The following CFAP44 variants were observed in gnomAD, a reference collection of about 807,000 sequenced individuals.
The protein encoded by CFAP44 is cilia and flagella associated protein 44.
CFAP44 carries 134 observed loss-of-function variants against 216.2 expected under a neutral mutation model. That is an observed-to-expected ratio of 0.62 (90% CI 0.54 to 0.72). CFAP44 has a LOEUF of 0.72. Among genes scored for constraint, CFAP44 ranks in the 30% least tolerant of loss-of-function variants. The pLI is 0.00. For missense variants in CFAP44, 2,035 were observed against 2,182.1 expected, an observed-to-expected ratio of 0.93 and a Z score of 1.34; for synonymous variants, 700 against 727.6, an observed-to-expected ratio of 0.96 and a Z score of 0.61.
At chr3:113,376,328 C>T (rs952398278) in intron 17 of CFAP44, among the ~76,000 whole-genome samples, 28 of 152,202 alleles carry the variant, frequency 1.8e-4, no homozygotes, top group African/African-American at 6.3e-4. Flanking sequence ...GGAGCATTGT[C>T]AAGTTGGATA....
Position 113,357,367 on chromosome 3 carries a change from G to C in CFAP44, c.3065+1378C>G, listed in dbSNP as rs1343239861. On this transcript the variant is annotated intron_variant, in intron 22 of 34. Transcript: ENST00000393845. ...CAGCAGGCCTTAATGAAACATGACT[G>C]GTGTTCTTATAAAAAGGGAAAATTT... Among the ~76,000 whole-genome samples the C allele has an allele frequency of 5.9e-5, 9 of 152,060 alleles. No individual in the cohort carries two copies. In the South Asian group the frequency reaches 1.9e-3, roughly 32 times the overall value.
chr3:113,318,348 G>T (rs958348266), intron 28 of CFAP44, among the ~76,000 whole-genome samples: 1 of 152,114 alleles, frequency 6.6e-6, no homozygotes, highest in African/African-American at 2.4e-5. Context: ...ATCTCAGTTC[G>T]AGGAATGCTT....
chr3:113,305,633 G>A (rs1206393316), intron 30 of CFAP44, among the ~76,000 whole-genome samples: 4 of 152,132 alleles, frequency 2.6e-5, no homozygotes, highest in Non-Finnish European at 5.9e-5. Flanking sequence ...TGCAAGAGGA[G>A]AAATAATACA....
Position 113,344,659 on chromosome 3 carries a change from T to C in CFAP44, c.3119A>G (p.Asp1040Gly), listed in dbSNP as rs1950364460. Reference sequence around the variant, plus strand: ...CAGCCTGTAAGAGGATATCTTGTGGTCACTCAGTATGGCATGAACCACAAT... The same window carrying C: ...CAGCCTGTAAGAGGATATCTTGTGGCCACTCAGTATGGCATGAACCACAAT... ...DTIVVHAILSDHKISSYRLVQ... is the reference protein window; with the variant it reads ...DTIVVHAILSGHKISSYRLVQ... Residue 1040 changes from aspartate to glycine, a missense_variant, in exon 23 of 35, where the codon GAC (aspartate) becomes GGC (glycine). Coordinates refer to ENST00000393845, the MANE Select transcript of CFAP44 (RefSeq NM_001164496.2). 10 of 1,536,652 alleles carry C rather than the reference T, an allele frequency of 6.5e-6. No homozygotes were observed. Among genetic ancestry groups the C allele is most frequent in the Non-Finnish European group, 8.7e-6 (10 of 1,146,710 alleles).
chr3:113,422,029 T>C (rs1934830403), intron 4 of CFAP44, among the ~76,000 whole-genome samples: 2 of 152,114 alleles, frequency 1.3e-5, no homozygotes, highest in Admixed American at 6.6e-5. Context: ...ATCTAAGTTA[T>C]ATAAAACATC....
chr3:113,398,231 T>C (rs1303303334), intron 13 of CFAP44, among the ~76,000 whole-genome samples: 1 of 152,136 alleles, frequency 6.6e-6, no homozygotes, highest in Non-Finnish European at 1.5e-5. Flanking sequence ...AAGCACATAA[T>C]CTTAGTATGC....
chr3:113,312,553 T>A (rs1340090923), intron 28 of CFAP44, among the ~76,000 whole-genome samples: 1 of 152,166 alleles, frequency 6.6e-6, no homozygotes, highest in Non-Finnish European at 1.5e-5. Flanking sequence ...GTAGGGAATG[T>A]TAATCCCCAA....
intron 16 of CFAP44, 76 bp from the exon 17 acceptor site, chr3:113,379,627 T>G: frequency 1.7e-6 from 2 of 1,185,318 alleles, no homozygotes; most frequent in Non-Finnish European, 2.3e-6. Flanking sequence ...GGGATGACAA[T>G]GAAAATAGAA....
intron 6 of CFAP44, among the ~76,000 whole-genome samples, chr3:113,410,674 G>A (rs1364355407): frequency 6.6e-6 from 1 of 152,134 alleles, no homozygotes; most frequent in Non-Finnish European, 1.5e-5. Context: ...GTAATGGGAT[G>A]GCTGGGTCAA....
intron 22 of CFAP44, among the ~76,000 whole-genome samples, chr3:113,356,489 G>A (rs1321069336): frequency 6.6e-6 from 1 of 152,034 alleles, no homozygotes; most frequent in East Asian, 1.9e-4. Context: ...ACTGGCACCT[G>A]GATAGACAGA....
In CFAP44 at chr3:113,289,675, A is replaced by G. The variant is rs1056823837; in HGVS notation, c.*1882T>C. The G allele has an allele frequency of 6.6e-6, 1 of 152,036 alleles. No individual in the cohort carries two copies. Among genetic ancestry groups the G allele is most frequent in the Non-Finnish European group, 1.5e-5 (1 of 68,024 alleles). 9.4% of individuals were successfully genotyped at this position (152,036 alleles called of 1,614,324 possible). ...ACCCTGTTCAGTCCCCTCCCACATCACACAGGGTCAGCCTGTGACCCATAT... is the reference window on the plus strand; with the variant it reads ...ACCCTGTTCAGTCCCCTCCCACATCGCACAGGGTCAGCCTGTGACCCATAT... On this transcript the variant is annotated 3_prime_UTR_variant, in exon 35 of 35. Transcript: ENST00000393845.
chr3:113,337,744 G>GA (rs1166938564), intron 24 of CFAP44, among the ~76,000 whole-genome samples: 1 of 151,792 alleles, frequency 6.6e-6, no homozygotes, highest in Non-Finnish European at 1.5e-5. Flanking sequence ...ACATCCGTAA[G>GA]AAAAAAACAA....
intron 28 of CFAP44, among the ~76,000 whole-genome samples, chr3:113,325,175 G>T (rs1950178322): frequency 6.6e-6 from 1 of 151,412 alleles, no homozygotes; most frequent in Admixed American, 6.6e-5. Flanking sequence ...GGTGGTGGGA[G>T]CCTATAATCC....
At chr3:113,413,025 G>A (rs1055472821) in intron 6 of CFAP44, among the ~76,000 whole-genome samples, 5 of 151,910 alleles carry the variant, frequency 3.3e-5, no homozygotes, top group South Asian at 2.1e-4. Context: ...CCAGAGCCTC[G>A]CCAGCATCTA....
chr3:113,319,002 C>T (rs979901488), intron 28 of CFAP44, among the ~76,000 whole-genome samples: 6 of 149,948 alleles, frequency 4.0e-5, no homozygotes, highest in African/African-American at 1.5e-4. Context: ...ACACAGCTGG[C>T]AGGCACTATA....
At chr3:113,394,198 C>A (rs935384089) in intron 15 of CFAP44, among the ~76,000 whole-genome samples, 12 of 152,142 alleles carry the variant, frequency 7.9e-5, no homozygotes, top group Admixed American at 7.9e-4. Flanking sequence ...TACAGCTCTA[C>A]AGCATTTTTT....
At chr3:113,437,612 G>A (rs992895718) in intron 1 of CFAP44, among the ~76,000 whole-genome samples, 4 of 152,082 alleles carry the variant, frequency 2.6e-5, no homozygotes, top group Non-Finnish European at 4.4e-5. Flanking sequence ...GAATTTGCCC[G>A]GTGTTCTGAT....
chr3:113,341,670 T>A, intron 24 of CFAP44, 74 bp downstream of exon 24: 1 of 1,303,036 alleles, frequency 7.7e-7, no homozygotes, highest in South Asian at 2.0e-5. Flanking sequence ...TCAATAAATA[T>A]AAAGATTTTT....
chr3:113,410,052 A>G (rs1261235787), intron 6 of CFAP44, among the ~76,000 whole-genome samples: 3 of 152,194 alleles, frequency 2.0e-5, no homozygotes, highest in Non-Finnish European at 4.4e-5. Flanking sequence ...CATATAATCA[A>G]GAATAACTAT....
Sources: gnomAD v4.1 joint callset for allele counts (sites outside exome capture counted in the v4.1 genomes callset) on GRCh38, gnomAD v4.1.1 for gene constraint, MANE v1.5 for transcripts, NCBI Gene and HGNC (gene_info 2026-07-23, HGNC 2026-07-21) for gene names.